WDCP: variants seen among roughly 807,000 people sequenced by gnomAD.
WDCP encodes the protein WD repeat and coiled-coil-containing protein.
WDCP carries 19 observed loss-of-function variants against 41.6 expected under a neutral mutation model. The ratio of observed to expected loss-of-function variants is 0.46; its 90% CI spans 0.32 to 0.67. The LOEUF is 0.67. WDCP is among the 30% of genes least tolerant of loss of function. The probability of loss-of-function intolerance (pLI) is 0.04; values close to 1 mark genes in which losing one functional copy is unlikely to be tolerated. For missense variants in WDCP, 802 were observed against 850.7 expected (o/e 0.94, Z 0.71); for synonymous variants, 302 against 320.8 (o/e 0.94, Z 0.63).
At chr2:24,042,518 A>T (rs1663475867) in intron 1 of WDCP, among the ~76,000 whole-genome samples, 1 of 142,060 alleles carries the variant, frequency 7.0e-6, no homozygotes, top group Non-Finnish European at 1.5e-5. Flanking sequence ...CCTGGGTGAC[A>T]GAGCAATACT....
At chr2:24,036,285 C>CA (rs1254240570) in intron 2 of WDCP, among the ~76,000 whole-genome samples, 7 of 151,530 alleles carry the variant, frequency 4.6e-5, no homozygotes, top group Non-Finnish European at 8.8e-5. Context: ...GCAAGACTAT[C>CA]ACTTGAGCCC....
chr2:24,045,906 G>A (rs145800413), intron 1 of WDCP: 124 of 152,252 alleles, frequency 8.1e-4, no homozygotes, highest in African/African-American at 2.9e-3. Context: ...GCACAGGGAT[G>A]ACTTGCAAAT....
intron 2 of WDCP, chr2:24,033,327 C>G (rs1558331904): frequency 3.1e-6 from 1 of 324,558 alleles, no homozygotes; most frequent in Non-Finnish European, 6.2e-6. Context: ...AAAAAAATGC[C>G]GAGAGAGTGT....
At position 24,039,513 on chromosome 2, in the gene WDCP, C is replaced by G; in HGVS notation, c.-18-1G>C. The G allele has an allele frequency of 6.2e-7, 1 of 1,603,520 alleles. No homozygotes were observed. Among genetic ancestry groups the G allele is most frequent in the South Asian group, 1.1e-5 (1 of 90,330 alleles). ...ACTCCATCCTTTTGATAAAGGTTAC[C>G]TGAAATGATTAAGAAGGAAAGTTAC... On this transcript the variant is annotated splice_acceptor_variant, in intron 1 of 3. Transcript: ENST00000295148. LOFTEE classifies it low-confidence loss of function (5UTR_SPLICE).
Position 24,038,946 on chromosome 2 carries a change from A to G in WDCP, c.549T>C (p.Ile183=), listed in dbSNP as rs1164279736. Residue 183 remains isoleucine, a synonymous_variant, in exon 2 of 4, where the codon ATT becomes ATC. Transcript: ENST00000295148. The stretch of plus-strand genomic sequence containing the variant: ...GAAGAGTCTTCTGAGCGCTGTCCCA[A>G]ATATAAGAATGCAGGCTGCTGCCTA... ...VAVGSSLHSY[I]WDSAQKTLHR... 4.3e-6 allele frequency: 7 copies of G among 1,614,032 alleles called. No individual in the cohort carries two copies. The Admixed American group carries it at 1.2e-4, about 27-fold the overall frequency.
intron 2 of WDCP, 163 bp from the exon 3 acceptor site, chr2:24,033,109 A>G: frequency 1.4e-6 from 1 of 705,762 alleles, no homozygotes; most frequent in Middle Eastern, 2.3e-4. Flanking sequence ...TATTTAACAC[A>G]ACTAAAAAAT....
chr2:24,034,574 C>CT (rs70944707), intron 2 of WDCP, among the ~76,000 whole-genome samples: 109,027 of 138,072 alleles, frequency 0.79, 44,218 homozygotes, highest in East Asian at 0.94. Flanking sequence ...GGCAACAAAA[C>CT]TTTTTTTTTT....
At chr2:24,042,203 A>G (rs905615580) in intron 1 of WDCP, among the ~76,000 whole-genome samples, 1 of 151,960 alleles carries the variant, frequency 6.6e-6, no homozygotes, top group Non-Finnish European at 1.5e-5. Context: ...GGAGCTCAAA[A>G]CCAGCCTGAC....
At position 24,047,346 on chromosome 2, in the gene WDCP, C is replaced by G. The variant is rs1663660344; in HGVS notation, c.-51G>C. On this transcript the variant is annotated 5_prime_UTR_variant, in exon 1 of 4. Transcript: ENST00000295148. ...CTCACTGCCTCACAAAAACACCAATCTCTCTGTGGCCGCCCAACATCACGC... is the reference window on the plus strand; with the variant it reads ...CTCACTGCCTCACAAAAACACCAATGTCTCTGTGGCCGCCCAACATCACGC... The G allele has an allele frequency of 6.6e-6, 1 of 152,168 alleles. No homozygotes were observed. The highest frequency in any genetic ancestry group is 1.5e-5 in the Non-Finnish European group (1 of 68,042). The allele number at this position is 152,168 out of a possible 1,614,324, so 9.4% of individuals were successfully genotyped here.
In WDCP at chr2:24,043,104, C is replaced by T. The variant is rs1374293877; in HGVS notation, c.-18-3592G>A. Among the ~76,000 whole-genome samples, 10 of 151,616 alleles carry T rather than the reference C, an allele frequency of 6.6e-5. 1 individual carries two copies. Among genetic ancestry groups the T allele is most frequent in the African/African-American group, 1.2e-4 (5 of 41,230 alleles). On this transcript the variant is annotated intron_variant, in intron 1 of 3. Transcript: ENST00000295148. ...ATCCGAGCACTTTGGCAGGCCAAGG[C>T]GGGTGGATCACCTGAGGTCAGGATT... is the stretch of plus-strand genomic sequence containing the variant.
At chr2:24,035,887 G>C (rs1041148645) in intron 2 of WDCP, among the ~76,000 whole-genome samples, 9 of 151,280 alleles carry the variant, frequency 5.9e-5, no homozygotes, top group Admixed American at 1.3e-4. Context: ...TGGCCAACAC[G>C]GTGAAACCCC....
At position 24,037,704 on chromosome 2, in the gene WDCP, A is replaced by G; in HGVS notation, c.1791T>C (p.Asp597=). 8.1e-6 allele frequency: 13 copies of G among 1,613,368 alleles called. No individual in the cohort carries two copies. Among genetic ancestry groups the G allele is most frequent in the Non-Finnish European group, 1.1e-5 (13 of 1,179,780 alleles). Residue 597 remains aspartate, a synonymous_variant, in exon 2 of 4, where the codon GAT becomes GAC. Transcript: ENST00000295148. The part of the protein sequence containing the change: ...KSSSVYPLSQ[D]LPYVHIIYQK... Reference sequence around the variant, plus strand: ...GGTAAATGATGTGAACATAAGGAAGATCTTGAGAGAGTGGATACACTGAAG... The same window carrying G: ...GGTAAATGATGTGAACATAAGGAAGGTCTTGAGAGAGTGGATACACTGAAG...
At chr2:24,046,762 CA>C (rs1398298388) in intron 1 of WDCP, among the ~76,000 whole-genome samples, 1 of 152,180 alleles carries the variant, frequency 6.6e-6, no homozygotes, top group Non-Finnish European at 1.5e-5. Flanking sequence ...AAAAAACATT[CA>C]TCCAAAGAAA....
chr2:24,031,262 G>A (rs2150946188), intron 3 of WDCP, 100 bp from the exon 4 acceptor site: 1 of 747,832 alleles, frequency 1.3e-6, no homozygotes, highest in Non-Finnish European at 2.2e-6. Context: ...GAATATAGTA[G>A]TTGATAATAT....
chr2:24,045,646 G>GAAGGAAGGAAGGAAGA (rs1663597669), intron 1 of WDCP, among the ~76,000 whole-genome samples: 1 of 139,928 alleles, frequency 7.1e-6, no homozygotes, highest in African/African-American at 2.6e-5. Context: ...AGGAAGGAAG[G>GAAGGAAGGAAGGAAGA]AAGGAAGGAA....
intron 1 of WDCP, among the ~76,000 whole-genome samples, chr2:24,040,720 G>T (rs1368963586): frequency 6.6e-6 from 1 of 152,146 alleles, no homozygotes; most frequent in African/African-American, 2.4e-5. Flanking sequence ...AATCACTAAA[G>T]AAGCATATGC....
At chr2:24,046,490 G>A (rs570807312) in intron 1 of WDCP, among the ~76,000 whole-genome samples, 4 of 152,286 alleles carry the variant, frequency 2.6e-5, no homozygotes, top group African/African-American at 9.6e-5. Context: ...TCAGGTCTCC[G>A]GAGAGGTGGT....
At chr2:24,032,561 G>A (rs952986849) in intron 3 of WDCP, among the ~76,000 whole-genome samples, 1 of 152,034 alleles carries the variant, frequency 6.6e-6, no homozygotes, top group African/African-American at 2.4e-5. Flanking sequence ...AACACCTATA[G>A]TTCTCACTAG....
chr2:24,034,143 G>A (rs1180153312), intron 2 of WDCP, among the ~76,000 whole-genome samples: 3 of 152,168 alleles, frequency 2.0e-5, no homozygotes, highest in Admixed American at 6.5e-5. Context: ...TAATAGGGCC[G>A]GGTGTGGTGG....
Sources: gnomAD v4.1 joint callset for allele counts (sites outside exome capture counted in the v4.1 genomes callset) on GRCh38, gnomAD v4.1.1 for gene constraint, MANE v1.5 for transcripts, NCBI Gene and HGNC (gene_info 2026-07-23, HGNC 2026-07-21) for gene names.